The following PDSS2 variants were observed in gnomAD, a reference collection of about 807,000 sequenced individuals.
The protein encoded by PDSS2 is all trans-polyprenyl-diphosphate synthase PDSS2.
Under a neutral mutation model 44.5 loss-of-function variants are expected in PDSS2, and 31 were observed. That is an observed-to-expected ratio of 0.70 (90% CI 0.52 to 0.94). The LOEUF (loss-of-function observed/expected upper bound fraction) is 0.94, where lower values mean the gene tolerates loss of function less well. Among genes scored for constraint, PDSS2 ranks in the 40% least tolerant of loss-of-function variants. PDSS2 has a pLI of 0.00. For synonymous variants in PDSS2, 157 were observed against 180.3 expected (o/e 0.87, Z 1.03); for missense variants, 452 against 482.2 (o/e 0.94, Z 0.59).
intron 4 of PDSS2, among the ~76,000 whole-genome samples, chr6:107,232,903 G>A (rs1481503535): frequency 6.6e-6 from 1 of 151,390 alleles, no homozygotes; most frequent in Non-Finnish European, 1.5e-5. Flanking sequence ...GCAGTGGCGC[G>A]ATCTCTATTC....
chr6:107,210,494 A>G lies in PDSS2; in HGVS notation c.953T>C (p.Val318Ala). The change falls in exon 6 of 8, where the codon GTA (valine) becomes GCA (alanine). Residue 318 changes from valine (V) to alanine (A), a missense_variant. Val to Ala is a moderately conservative substitution (Grantham distance 64). Transcript: ENST00000369037. Reference sequence around the variant, plus strand: ...TCCAAGAAATTCCTGATGTAAGACTACAGGAGCTGAGTTTAGATTAAAAGT... The same window carrying G: ...TCCAAGAAATTCCTGATGTAAGACTGCAGGAGCTGAGTTTAGATTAAAAGT... ...SMTFNLNSAP[V>A]VLHQEFLGRD... 1 of 1,600,712 alleles carries G rather than the reference A, an allele frequency of 6.2e-7. No individual in the cohort carries two copies. The highest frequency in any genetic ancestry group is 1.1e-5 in the South Asian group (1 of 90,780).
At chr6:107,291,880 C>T (rs1395887146) in intron 2 of PDSS2, among the ~76,000 whole-genome samples, 2 of 152,028 alleles carry the variant, frequency 1.3e-5, no homozygotes, top group South Asian at 2.1e-4. Context: ...AGAAAAATGC[C>T]AAGGCTGTAG....
intron 1 of PDSS2, among the ~76,000 whole-genome samples, chr6:107,347,459 T>C (rs879295914): frequency 6.6e-6 from 1 of 151,966 alleles, no homozygotes. Flanking sequence ...TCAGTAGAGA[T>C]GGGGTTTCAC....
chr6:107,162,494 CAAAAA>C (rs374615595), intron 7 of PDSS2, among the ~76,000 whole-genome samples: 3 of 58,604 alleles, frequency 5.1e-5, no homozygotes, highest in African/African-American at 6.2e-5. Flanking sequence ...GAGACCATCT[CAAAAA>C]AAAAAAAAAA....
At chr6:107,372,598 C>T (rs1779160458) in intron 1 of PDSS2, among the ~76,000 whole-genome samples, 1 of 151,746 alleles carries the variant, frequency 6.6e-6, no homozygotes, top group Non-Finnish European at 1.5e-5. Context: ...ACTACAGGCG[C>T]CCGCCACCAC....
chr6:107,360,194 C>T (rs9480769), intron 1 of PDSS2, among the ~76,000 whole-genome samples: 21,532 of 152,106 alleles, frequency 0.14, 1,669 homozygotes, highest in East Asian at 0.25. Flanking sequence ...TAGATCAAGG[C>T]GCAAATAATT....
intron 6 of PDSS2, among the ~76,000 whole-genome samples, chr6:107,207,963 CTCTG>C (rs990431776): frequency 7.1e-5 from 9 of 126,176 alleles, no homozygotes; most frequent in East Asian, 2.4e-4. Context: ...TTTTAGTTTT[CTCTG>C]TCTATGACTT....
chr6:107,363,780 G>A lies in PDSS2; in HGVS notation c.297-29448C>T, dbSNP rs139689713. Among the ~76,000 whole-genome samples the A allele has an allele frequency of 5.3e-3, 811 of 152,276 alleles. 33 individuals carry two copies. In the East Asian group the frequency reaches 0.11, roughly 21 times the overall value. Reference sequence around the variant, plus strand: ...GTTTTGTCAGGGCGCTGATTGGTGCGTTTACAATCCCTGAGCTAGATACAA... The same window carrying A: ...GTTTTGTCAGGGCGCTGATTGGTGCATTTACAATCCCTGAGCTAGATACAA... On this transcript the variant is annotated intron_variant, in intron 1 of 7. Transcript: ENST00000369037.
chr6:107,333,954 T>C (rs1287299971), intron 2 of PDSS2, among the ~76,000 whole-genome samples: 2 of 151,924 alleles, frequency 1.3e-5, no homozygotes, highest in Non-Finnish European at 2.9e-5. Context: ...GAACAGAAAA[T>C]TTTAAATGCC....
intron 1 of PDSS2, among the ~76,000 whole-genome samples, chr6:107,431,003 T>C (rs182291724): frequency 6.6e-6 from 1 of 152,256 alleles, no homozygotes; most frequent in African/African-American, 2.4e-5. Context: ...ATTCTCCAGG[T>C]AGGAAGGAGG....
intron 4 of PDSS2, among the ~76,000 whole-genome samples, chr6:107,227,875 G>T (rs1434826708): frequency 6.6e-6 from 1 of 152,186 alleles, no homozygotes; most frequent in African/African-American, 2.4e-5. Flanking sequence ...TCAAGTGGAG[G>T]TGTTGAGAAA....
At chr6:107,360,491 C>A (rs1778736647) in intron 1 of PDSS2, among the ~76,000 whole-genome samples, 1 of 152,162 alleles carries the variant, frequency 6.6e-6, no homozygotes, top group Non-Finnish European at 1.5e-5. Flanking sequence ...AAGAAGTAGG[C>A]CCACCAGAGG....
chr6:107,198,766 G>T (rs1170150498), intron 6 of PDSS2, among the ~76,000 whole-genome samples: 1 of 151,464 alleles, frequency 6.6e-6, no homozygotes, highest in Non-Finnish European at 1.5e-5. Context: ...GATCAGCTTG[G>T]GCAACATGGT....
At chr6:107,207,237 C>T (rs1198355035) in intron 6 of PDSS2, among the ~76,000 whole-genome samples, 4 of 152,098 alleles carry the variant, frequency 2.6e-5, no homozygotes, top group Non-Finnish European at 4.4e-5. Flanking sequence ...CGTGATCCGC[C>T]TGCCTCGGCC....
intron 1 of PDSS2, among the ~76,000 whole-genome samples, chr6:107,335,465 C>G (rs1231642968): frequency 2.6e-5 from 4 of 152,130 alleles, no homozygotes; most frequent in African/African-American, 9.7e-5. Context: ...AAACCAAATT[C>G]AAAAGACGCA....
intron 3 of PDSS2, among the ~76,000 whole-genome samples, chr6:107,254,102 C>T (rs1774922487): frequency 1.4e-5 from 2 of 148,016 alleles, no homozygotes; most frequent in Admixed American, 6.8e-5. Context: ...GGGACGATCT[C>T]GGCTCACTGC....
intron 1 of PDSS2, among the ~76,000 whole-genome samples, chr6:107,387,876 GTGATGTCAC>G (rs1427520788): frequency 6.6e-6 from 1 of 152,214 alleles, no homozygotes; most frequent in Admixed American, 6.5e-5. Flanking sequence ...AAAATTACTT[GTGATGTCAC>G]TGAAGAAAGT....
At chr6:107,394,128 T>C (rs1779867911) in intron 1 of PDSS2, among the ~76,000 whole-genome samples, 1 of 152,228 alleles carries the variant, frequency 6.6e-6, no homozygotes, top group Admixed American at 6.5e-5. Context: ...TTTTCCTCGT[T>C]TCCTGCCTTC....
At chr6:107,369,765 G>A (rs572830516) in intron 1 of PDSS2, among the ~76,000 whole-genome samples, 5 of 152,220 alleles carry the variant, frequency 3.3e-5, no homozygotes, top group African/African-American at 1.2e-4. Flanking sequence ...AGAACTTTGG[G>A]AGGCCAAGGC....
Sources: allele counts gnomAD v4.1 joint callset (sites outside exome capture counted in the v4.1 genomes callset), GRCh38; gene constraint gnomAD v4.1.1; transcripts MANE v1.5; gene names NCBI Gene and HGNC (gene_info 2026-07-23, HGNC 2026-07-21).